SRSF1: variants seen among roughly 807,000 people sequenced by gnomAD.
SRSF1 encodes the protein serine and arginine rich splicing factor 1.
SRSF1 carries 1 observed loss-of-function variant against 25.9 expected under a neutral mutation model. That is an observed-to-expected ratio of 0.04 (90% CI 0.01 to 0.18). The LOEUF is 0.18. SRSF1 is among the 10% of genes least tolerant of loss of function. The pLI, the probability that SRSF1 is intolerant of heterozygous loss-of-function variation, is 1.00. For missense variants in SRSF1, 65 were observed against 350.5 expected (o/e 0.19, Z 6.50); for synonymous variants, 132 against 126.2 (o/e 1.05, Z -0.31).
chr17:57,990,101 A>T, the SRSF1 span: 1 of 210,524 alleles, frequency 4.8e-6, no homozygotes, highest in Non-Finnish European at 9.4e-6. Context: ...GTGAAAATGA[A>T]GCTTCAGGAT....
In SRSF1 at chr17:58,002,493, T is replaced by A. The variant is rs559315650; in HGVS notation, c.*2913A>T. ...AGGTCCCCTCCCCCAACCTAAATAG[T>A]ACCAAGGGGCTGTCAGTAGACAAAT... On this transcript the variant is annotated 3_prime_UTR_variant, in exon 4 of 4. Coordinates refer to ENST00000258962, the MANE Select transcript of SRSF1 (RefSeq NM_006924.5). 6.6e-6 allele frequency among the ~76,000 whole-genome samples: 1 copy of A among 152,318 alleles called. No homozygotes were observed. Among genetic ancestry groups the A allele is most frequent in the South Asian group, 2.1e-4 (1 of 4,830 alleles).
At chr17:57,999,100 C>T (rs1217276635), downstream of SRSF1, among the ~76,000 whole-genome samples, 1 of 152,138 alleles carries the variant, frequency 6.6e-6, no homozygotes, top group Non-Finnish European at 1.5e-5. Context: ...ACTTTTTGAT[C>T]ACAAGACAAC....
the SRSF1 span, chr17:57,990,861 T>A: frequency 4.6e-5 from 7 of 152,238 alleles, no homozygotes; most frequent in African/African-American, 1.2e-4. Context: ...ACACTCCAAG[T>A]TGTATAACCT....
downstream of SRSF1, among the ~76,000 whole-genome samples, chr17:57,996,502 A>AAAAAAAT (rs1431566307): frequency 1.3e-5 from 2 of 151,234 alleles, no homozygotes; most frequent in African/African-American, 4.9e-5. Context: ...AAAAAAAAAA[A>AAAAAAAT]ACAGCCTTTG....
downstream of SRSF1, among the ~76,000 whole-genome samples, chr17:58,000,069 A>T (rs1215178509): frequency 2.0e-5 from 3 of 152,170 alleles, no homozygotes; most frequent in African/African-American, 4.8e-5. Context: ...TACAAATGTT[A>T]TATTTGCCTA....
At chr17:57,995,130 G>T in the SRSF1 span, among the ~76,000 whole-genome samples, 1 of 152,234 alleles carries the variant, frequency 6.6e-6, no homozygotes, top group African/African-American at 2.4e-5. Context: ...GAGATAGTAT[G>T]TGTAGGCTAA....
downstream of SRSF1, among the ~76,000 whole-genome samples, chr17:57,996,513 C>T (rs1047874232): frequency 2.9e-5 from 4 of 139,788 alleles, no homozygotes; most frequent in African/African-American, 1.1e-4. Flanking sequence ...ACAGCCTTTG[C>T]TCTCAGTTTA....
rs2075393102 is a variant in SRSF1, at chr17:58,001,821, C to A, written c.*3585G>T. ...GGTCATCTTAACTACAAAACCTATGCCCCTTTACCTAAGTAAACATTAGAT... is the reference window on the plus strand; with the variant it reads ...GGTCATCTTAACTACAAAACCTATGACCCTTTACCTAAGTAAACATTAGAT... On this transcript the variant is annotated 3_prime_UTR_variant, in exon 4 of 4. Transcript: ENST00000258962. 6.6e-6 allele frequency among the ~76,000 whole-genome samples: 1 copy of A among 152,164 alleles called. No individual in the cohort carries two copies. Among genetic ancestry groups the A allele is most frequent in the South Asian group, 2.1e-4 (1 of 4,834 alleles).
At chr17:58,000,742 A>G (rs562564359), downstream of SRSF1, among the ~76,000 whole-genome samples, 1 of 152,306 alleles carries the variant, frequency 6.6e-6, no homozygotes, top group East Asian at 1.9e-4. Context: ...ACAATCCCTT[A>G]TATGAACTCT....
intron 1 of SRSF1, 140 bp from the exon 2 acceptor site, chr17:58,006,667 C>T: frequency 9.3e-7 from 1 of 1,076,344 alleles, no homozygotes; most frequent in Non-Finnish European, 1.3e-6. Context: ...TGGCCCCTCC[C>T]CCACCCAGAA....
intron 2 of SRSF1, 183 bp from the exon 3 acceptor site, chr17:58,006,156 A>G (rs1280244375): frequency 2.3e-5 from 22 of 954,426 alleles, no homozygotes; most frequent in Non-Finnish European, 3.2e-5. Context: ...CGATCTTCGT[A>G]TCTAGTACCG....
At chr17:57,999,862 G>C (rs2075379356), downstream of SRSF1, among the ~76,000 whole-genome samples, 1 of 152,120 alleles carries the variant, frequency 6.6e-6, no homozygotes, top group South Asian at 2.1e-4. Context: ...CTATCTTCAT[G>C]TCCACAGTTC....
At chr17:57,994,875 C>T in the SRSF1 span, 3 of 152,320 alleles carry the variant, frequency 2.0e-5, no homozygotes, top group East Asian at 5.8e-4. Flanking sequence ...AATTACTGAG[C>T]ACCTACTAAA....
At chr17:57,997,302 ATTAGTATTAAAATAC>A (rs2075369068), downstream of SRSF1, among the ~76,000 whole-genome samples, 2 of 152,202 alleles carry the variant, frequency 1.3e-5, no homozygotes, top group African/African-American at 4.8e-5. Flanking sequence ...CTGAGGAGTT[ATTAGTATTAAAATAC>A]CTTCTCCAAT....
downstream of SRSF1, among the ~76,000 whole-genome samples, chr17:57,996,943 C>G (rs540146748): frequency 8.2e-4 from 125 of 152,112 alleles, no homozygotes; most frequent in Admixed American, 2.6e-3. Flanking sequence ...TTACCAACAA[C>G]AAAAAAACAA....
intron 1 of SRSF1, 84 bp from the exon 2 acceptor site, chr17:58,006,611 A>G (rs2075430245): frequency 6.9e-7 from 1 of 1,441,438 alleles, no homozygotes; most frequent in Non-Finnish European, 9.3e-7. Context: ...CCCCCCGCAC[A>G]TGCGCACCCA....
At chr17:57,995,230 ATC>A in the SRSF1 span, among the ~76,000 whole-genome samples, 39 of 152,190 alleles carry the variant, frequency 2.6e-4, no homozygotes, top group Admixed American at 1.2e-3. Context: ...ATTTTTGTGG[ATC>A]TGTTACTAAT....
the SRSF1 span, chr17:57,994,495 G>C: frequency 2.6e-5 from 4 of 152,186 alleles, no homozygotes; most frequent in South Asian, 2.1e-4. Context: ...ACTCCTGTGG[G>C]AAACAAGGAG....
downstream of SRSF1, among the ~76,000 whole-genome samples, chr17:57,997,388 A>T (rs936108500): frequency 5.3e-5 from 8 of 152,312 alleles, no homozygotes; most frequent in South Asian, 1.7e-3. Flanking sequence ...GCTTTTAGGG[A>T]ATACTAAATT....
Sources: allele counts gnomAD v4.1 joint callset (sites outside exome capture counted in the v4.1 genomes callset), GRCh38; gene constraint gnomAD v4.1.1; transcripts MANE v1.5; gene names NCBI Gene and HGNC (gene_info 2026-07-23, HGNC 2026-07-21).